Variants in EXTL3 observed in about 807,000 individuals in gnomAD.
The protein encoded by EXTL3 is exostosin like glycosyltransferase 3.
Under a neutral mutation model 69.3 loss-of-function variants are expected in EXTL3, and 27 were observed. The observed-to-expected ratio is 0.39, with a 90% CI of 0.29 to 0.54. The LOEUF (loss-of-function observed/expected upper bound fraction) is 0.54, where lower values mean the gene tolerates loss of function less well. Ranked by LOEUF, EXTL3 falls within the 20% of genes least tolerant of loss-of-function variation. EXTL3 has a pLI of 0.69. For synonymous variants in EXTL3, 511 were observed against 499.4 expected (o/e 1.02, Z -0.31); for missense variants, 1,003 against 1,231.8 (o/e 0.81, Z 2.78).
chr8:28,646,140 G>A (rs2130593960), intron 1 of EXTL3, among the ~76,000 whole-genome samples: 1 of 152,260 alleles, frequency 6.6e-6, no homozygotes, highest in South Asian at 2.1e-4. Flanking sequence ...GGGATTATAG[G>A]CCTGAGCCAC....
chr8:28,674,669 T>C (rs1422846098), intron 1 of EXTL3, among the ~76,000 whole-genome samples: 1 of 152,176 alleles, frequency 6.6e-6, no homozygotes, highest in Admixed American at 6.5e-5. Context: ...AGTGAGAGCA[T>C]TAATTGGGAA....
At chr8:28,636,354 CT>C (rs1446834862) in intron 1 of EXTL3, among the ~76,000 whole-genome samples, 1 of 150,256 alleles carries the variant, frequency 6.7e-6, no homozygotes, top group Non-Finnish European at 1.5e-5. Context: ...AAACAAATGT[CT>C]AACTCGCCAG....
chr8:28,626,132 AT>A (rs35418988), intron 1 of EXTL3, among the ~76,000 whole-genome samples: 31,742 of 150,402 alleles, frequency 0.21, 3,990 homozygotes, highest in Non-Finnish European at 0.28. Context: ...AGATTGCACC[AT>A]TGCACTACAA....
chr8:28,675,141 G>A (rs553524775), intron 1 of EXTL3, among the ~76,000 whole-genome samples: 25 of 152,266 alleles, frequency 1.6e-4, no homozygotes, highest in African/African-American at 6.0e-4. Context: ...GTGGTGAGGA[G>A]AGCAAAGATC....
At chr8:28,639,413 C>T (rs948483724) in intron 1 of EXTL3, among the ~76,000 whole-genome samples, 3 of 152,166 alleles carry the variant, frequency 2.0e-5, no homozygotes, top group Non-Finnish European at 4.4e-5. Context: ...CTCTGCAGTC[C>T]GCTTTTCCCG....
chr8:28,684,166 C>T (rs1563203844), intron 1 of EXTL3, among the ~76,000 whole-genome samples: 1 of 152,162 alleles, frequency 6.6e-6, no homozygotes, highest in Non-Finnish European at 1.5e-5. Context: ...TTTTCCTTAT[C>T]TGTTTGTCTA....
chr8:28,722,264 G>A (rs867531487), intron 3 of EXTL3, among the ~76,000 whole-genome samples: 2 of 152,194 alleles, frequency 1.3e-5, no homozygotes, highest in Admixed American at 6.5e-5. Flanking sequence ...GTTTTATCCT[G>A]TCTGCCTTAG....
chr8:28,750,948 G>A lies in EXTL3; in HGVS notation c.*82G>A. 8.0e-7 allele frequency: 1 copy of A among 1,256,944 alleles called. No homozygotes were observed. Among genetic ancestry groups the A allele is most frequent in the Non-Finnish European group, 1.1e-6 (1 of 871,472 alleles). The allele number at this position is 1,256,944 out of a possible 1,614,324, so 77.9% of individuals were successfully genotyped here. On this transcript the variant is annotated 3_prime_UTR_variant, in exon 7 of 7. Transcript: ENST00000220562. The surrounding 1 kb of genome is among the most constrained non-coding windows in gnomAD (Gnocchi z 5.2). ...GTTCCTAGGCATTGCAGGACCTTGGGCACATCTGCTGGTGGGTGGCCCAGA... is the reference window on the plus strand; with the variant it reads ...GTTCCTAGGCATTGCAGGACCTTGGACACATCTGCTGGTGGGTGGCCCAGA...
At chr8:28,633,244 G>A (rs921966555) in intron 1 of EXTL3, among the ~76,000 whole-genome samples, 7 of 152,022 alleles carry the variant, frequency 4.6e-5, no homozygotes, top group African/African-American at 1.4e-4. Context: ...AGGCTGAGGC[G>A]GGAGGATCAC....
intron 6 of EXTL3, among the ~76,000 whole-genome samples, chr8:28,743,481 C>T (rs1267141977): frequency 6.6e-6 from 1 of 152,172 alleles, no homozygotes; most frequent in East Asian, 1.9e-4. Flanking sequence ...TAATGTCTTA[C>T]TGGAATAAAG....
In EXTL3 at chr8:28,716,371, C is replaced by T. The variant is rs1801147063; in HGVS notation, c.312C>T (p.Asn104=). Residue 104 remains asparagine (N), a synonymous_variant, in exon 3 of 7, where the codon AAC becomes AAT. Coordinates refer to ENST00000220562, the MANE Select transcript of EXTL3 (RefSeq NM_001440.4). This position sits in a 1 kb window ranked among gnomAD's most constrained non-coding sequence, Gnocchi z 7.1. ...TGGAGGCCAAGCGCCAAGAGCTGAA[C>T]AGCGAGATCGCCAAGCTGAATCTGA... ...LQLEAKRQEL[N]SEIAKLNLKI... 1 of 1,613,850 alleles carries T rather than the reference C, an allele frequency of 6.2e-7. No individual in the cohort carries two copies. The highest frequency in any genetic ancestry group is 8.5e-7 in the Non-Finnish European group (1 of 1,180,020).
intron 4 of EXTL3, among the ~76,000 whole-genome samples, 170 bp downstream of exon 4, chr8:28,731,520 A>C (rs1478474245): frequency 6.6e-6 from 1 of 152,116 alleles, no homozygotes; most frequent in Non-Finnish European, 1.5e-5. Flanking sequence ...GGAGGAGTCC[A>C]TCTCTCTTCA....
chr8:28,673,861 T>C (rs1225208770), intron 1 of EXTL3, among the ~76,000 whole-genome samples: 1 of 151,872 alleles, frequency 6.6e-6, no homozygotes, highest in Non-Finnish European at 1.5e-5. Flanking sequence ...ATTTTAAGGA[T>C]GAATTTTCTG....
intron 1 of EXTL3, among the ~76,000 whole-genome samples, chr8:28,648,464 T>C (rs1166092941): frequency 2.0e-5 from 3 of 152,204 alleles, no homozygotes; most frequent in Non-Finnish European, 4.4e-5. Flanking sequence ...TTTGGAGATA[T>C]TTCAAGTATT....
intron 1 of EXTL3, among the ~76,000 whole-genome samples, chr8:28,634,837 C>T (rs899118617): frequency 3.3e-5 from 5 of 152,160 alleles, no homozygotes; most frequent in Non-Finnish European, 7.4e-5. Context: ...TCAAGTGATC[C>T]GCTCGCTTCG....
intron 4 of EXTL3, 115 bp from the exon 5 acceptor site, chr8:28,737,404 C>A (rs1440508261): frequency 2.7e-6 from 3 of 1,101,372 alleles, no homozygotes; most frequent in Non-Finnish European, 4.2e-6. Context: ...TGAAAGGATA[C>A]GAGAAGTAAA....
intron 1 of EXTL3, among the ~76,000 whole-genome samples, chr8:28,668,537 A>G (rs1807235630): frequency 6.6e-6 from 1 of 151,974 alleles, no homozygotes; most frequent in Admixed American, 6.6e-5. Context: ...GGGTTTCCCC[A>G]TGTTGGCCAG....
At chr8:28,667,088 G>C (rs1458935058) in intron 1 of EXTL3, among the ~76,000 whole-genome samples, 1 of 152,206 alleles carries the variant, frequency 6.6e-6, no homozygotes, top group African/African-American at 2.4e-5. Flanking sequence ...AAAGACTCTG[G>C]TTGTGCTAAT....
intron 1 of EXTL3, among the ~76,000 whole-genome samples, chr8:28,681,494 G>A (rs577149006): frequency 2.0e-5 from 3 of 152,102 alleles, no homozygotes; most frequent in Admixed American, 1.3e-4. Flanking sequence ...CTCCAGCCTG[G>A]ATGACAGAGC....
Sources: allele counts gnomAD v4.1 joint callset (sites outside exome capture counted in the v4.1 genomes callset), GRCh38; gene constraint gnomAD v4.1.1; non-coding constraint Gnocchi (gnomAD v3.1); transcripts MANE v1.5; gene names NCBI Gene and HGNC (gene_info 2026-07-23, HGNC 2026-07-21).